Variants in ZNF800 observed in about 807,000 individuals in gnomAD.
ZNF800 encodes the protein zinc finger protein 800.
In ZNF800, 13 loss-of-function variants were observed where a neutral mutation model predicts 59.5. That is an observed-to-expected ratio of 0.22 (90% confidence interval 0.14 to 0.35). The LOEUF is 0.35. ZNF800 is among the 10% of genes least tolerant of loss of function. ZNF800 has a pLI of 1.00. For synonymous variants in ZNF800, 266 were observed against 265.7 expected (o/e 1.00, Z -0.01); for missense variants, 621 against 783.7 (o/e 0.79, Z 2.48).
chr7:127,359,461 G>A (rs1022787822), intron 1 of ZNF800, among the ~76,000 whole-genome samples: 2 of 122,928 alleles, frequency 1.6e-5, no homozygotes, highest in East Asian at 5.9e-4. Context: ...GGACCTGAAA[G>A]CAAAATATTT....
intron 1 of ZNF800, among the ~76,000 whole-genome samples, chr7:127,354,802 C>G (rs549700248): frequency 1.3e-5 from 2 of 152,182 alleles, no homozygotes; most frequent in Non-Finnish European, 2.9e-5. Flanking sequence ...TCAATTTTCT[C>G]CATTTTAAAA....
In ZNF800 at chr7:127,376,701, T is replaced by C. The variant is rs576853921; in HGVS notation, c.301+485A>G. Among the ~76,000 whole-genome samples the C allele has an allele frequency of 3.9e-5, 6 of 152,102 alleles. No individual in the cohort carries two copies. The South Asian group carries it at 1.2e-3, about 31-fold the overall frequency. ...ACTAGAAAGATTAATAAAGACTTTT[T>C]AATGCTCTCCACCATTCCCAAGAAA... On this transcript the variant is annotated intron_variant, in intron 4 of 5. Transcript: ENST00000265827.
intron 1 of ZNF800, among the ~76,000 whole-genome samples, chr7:127,356,298 T>C (rs191112451): frequency 5.9e-5 from 9 of 152,006 alleles, no homozygotes; most frequent in Middle Eastern, 6.8e-3. Flanking sequence ...AGAGAGTGTG[T>C]GTTGTTATTG....
chr7:127,374,372 T>C lies in ZNF800; in HGVS notation c.964A>G (p.Ile322Val), dbSNP rs767810628. The C allele has an allele frequency of 6.2e-7, 1 of 1,613,958 alleles. No homozygotes were observed. The highest frequency in any genetic ancestry group is 2.2e-5 in the East Asian group (1 of 44,862). ...GLRRDSITPDIATKPGQPLFL... is the reference protein window; with the variant it reads ...GLRRDSITPDVATKPGQPLFL... The stretch of plus-strand genomic sequence containing the variant: ...AAAGGTTGCCCAGGCTTTGTTGCTA[T>C]ATCAGGAGTAATTGAATCCCTCCTT... The change falls in exon 5 of 6, where the codon ATA becomes GTA. Residue 322 changes from isoleucine (I) to valine (V), a missense_variant. Physicochemically the swap from Ile to Val is conservative, Grantham distance 29. Transcript: ENST00000265827.
intron 3 of ZNF800, among the ~76,000 whole-genome samples, chr7:127,378,083 T>C (rs1800838008): frequency 6.6e-6 from 1 of 152,086 alleles, no homozygotes; most frequent in Admixed American, 6.6e-5. Flanking sequence ...AATGCCTATC[T>C]TCTCTACTAG....
At chr7:127,386,541 C>A (rs567618830) in intron 2 of ZNF800, among the ~76,000 whole-genome samples, 4 of 152,314 alleles carry the variant, frequency 2.6e-5, no homozygotes, top group African/African-American at 9.6e-5. Context: ...GGCCTAGCCA[C>A]GCTTCATAAA....
At position 127,374,718 on chromosome 7, in the gene ZNF800, T is replaced by A. The variant is rs142573888; in HGVS notation, c.618A>T (p.Thr206=). The A allele has an allele frequency of 2.1e-5, 34 of 1,613,944 alleles. No homozygotes were observed. In the African/African-American group the frequency reaches 4.3e-4, roughly 20 times the overall value. The change falls in exon 5 of 6, where the codon ACA becomes ACT. Residue 206 remains threonine (T), a synonymous_variant. Transcript: ENST00000265827. ...VEIVTDEVAP[T]SDEQPQESQA... is the part of the protein sequence containing the mutation. The stretch of plus-strand genomic sequence containing the variant: ...GCGACTCCTGAGGTTGTTCATCAGA[T>A]GTAGGTGCAACTTCATCTGTAACAA...
At chr7:127,357,338 C>A (rs1251465259) in intron 1 of ZNF800, among the ~76,000 whole-genome samples, 2 of 152,088 alleles carry the variant, frequency 1.3e-5, no homozygotes, top group African/African-American at 4.8e-5. Context: ...AAAAGTGCAG[C>A]TTTACAAAGT....
chr7:127,387,569 A>C (rs1014254584), intron 2 of ZNF800, among the ~76,000 whole-genome samples: 6 of 152,222 alleles, frequency 3.9e-5, no homozygotes, highest in African/African-American at 1.4e-4. Flanking sequence ...CCCAATTTTA[A>C]GAGACACTTG....
rs138015842 is a variant in ZNF800 at position 127,353,421 on chromosome 7, C to T, written n.225-5378G>A. The stretch of plus-strand genomic sequence containing the variant: ...TGTGTTCAGGGTTGAGGATAACACA[C>T]GTAAAAGCTGTGCTAAAGCTATGAA... On this transcript the variant is annotated intron_variant and non_coding_transcript_variant, in intron 1 of 1. Transcript: ENST00000485577. Among the ~76,000 whole-genome samples, 94 of 152,218 alleles carry T rather than the reference C, an allele frequency of 6.2e-4. 1 individual carries two copies. In the East Asian group the frequency reaches 0.015, roughly 24 times the overall value.
intron 1 of ZNF800, among the ~76,000 whole-genome samples, chr7:127,352,214 C>G (rs929751208): frequency 6.6e-6 from 1 of 152,156 alleles, no homozygotes; most frequent in Non-Finnish European, 1.5e-5. Flanking sequence ...TTTGATATTA[C>G]AAGTAACAAG....
At chr7:127,381,460 T>G (rs190090823) in intron 3 of ZNF800, among the ~76,000 whole-genome samples, 1 of 152,140 alleles carries the variant, frequency 6.6e-6, no homozygotes, top group Admixed American at 6.5e-5. Context: ...ATGTTAATTA[T>G]AGAGCACTGC....
rs1562907479 is a variant in ZNF800 at position 127,379,852 on chromosome 7, A to ACCCCCC, written c.158-2529_158-2524dup. 6.1e-3 allele frequency among the ~76,000 whole-genome samples: 99 copies of ACCCCCC among 16,158 alleles called. 7 individuals carry two copies. The highest frequency in any genetic ancestry group is 0.055 in the East Asian group (19 of 348). The allele number at this position is 16,158 out of a possible 152,430, so 10.6% of individuals were successfully genotyped here. ...ACCCTTGCCACCCCCCCACCCCCCC[A>ACCCCCC]CCCCCCCCACACACACACAGAGAGA... is the stretch of plus-strand genomic sequence containing the variant. On this transcript the variant is annotated intron_variant, in intron 3 of 5. Transcript: ENST00000265827.
chr7:127,373,940 C>G lies in ZNF800; in HGVS notation c.1396G>C (p.Ala466Pro). 6.2e-7 allele frequency: 1 copy of G among 1,614,176 alleles called. No individual in the cohort carries two copies. The highest frequency in any genetic ancestry group is 8.5e-7 in the Non-Finnish European group (1 of 1,180,032). The part of the protein sequence containing the change: ...ESPKSTSPSA[A>P]GGQQKTRKPK... The stretch of plus-strand genomic sequence containing the variant: ...TTTCTGGTTTTTTGCTGGCCACCTG[C>G]AGCCGACGGACTAGTTGATTTAGGG... Residue 466 changes from alanine (A) to proline (P), a missense_variant, in exon 5 of 6, where the codon GCA becomes CCA. Physicochemically the swap from Ala to Pro is conservative, Grantham distance 27. Coordinates refer to ENST00000265827, the MANE Select transcript of ZNF800 (RefSeq NM_176814.5).
intron 1 of ZNF800, among the ~76,000 whole-genome samples, chr7:127,352,919 A>G (rs1178425528): frequency 7.4e-5 from 11 of 148,502 alleles, no homozygotes; most frequent in African/African-American, 2.8e-4. Context: ...CACACACACA[A>G]TAACCATTTT....
At chr7:127,368,374 G>A (rs914198231), downstream of ZNF800, among the ~76,000 whole-genome samples, 6 of 152,014 alleles carry the variant, frequency 3.9e-5, no homozygotes, top group Non-Finnish European at 7.4e-5. Flanking sequence ...AAAGAGAGAC[G>A]ACAGGATAGC....
chr7:127,374,002 G>A lies in ZNF800; in HGVS notation c.1334C>T (p.Ala445Val), dbSNP rs1800708816. 1.9e-6 allele frequency: 3 copies of A among 1,613,942 alleles called. No homozygotes were observed. Among genetic ancestry groups the A allele is most frequent in the South Asian group, 1.1e-5 (1 of 91,076 alleles). ...TTGTTTAACTTTATTTTTCTGTGCT[G>A]CCGGTGTGTTCTTTTTTTCATTTGA... ...NHSNEKKNTP[A>V]AQKNKVKQDS... The change falls in exon 5 of 6, where the codon GCA becomes GTA. Residue 445 changes from alanine (A) to valine (V), a missense_variant. This residue lies in a region of ZNF800 where 185 missense variants were observed against 177.6 expected (regional missense o/e 1.04). Coordinates refer to ENST00000265827, the MANE Select transcript of ZNF800 (RefSeq NM_176814.5).
At chr7:127,360,739 A>C (rs1800377728) in intron 1 of ZNF800, 1 of 152,154 alleles carries the variant, frequency 6.6e-6, no homozygotes, top group South Asian at 2.1e-4. Context: ...AGAGTCAAAA[A>C]CATGAGAACT....
intron 1 of ZNF800, among the ~76,000 whole-genome samples, chr7:127,356,889 A>AT (rs540214893): frequency 5.3e-4 from 80 of 152,168 alleles, no homozygotes; most frequent in African/African-American, 1.8e-3. Flanking sequence ...TTTAGGAGTT[A>AT]TAACTCAGCC....
Sources: allele counts gnomAD v4.1 joint callset (sites outside exome capture counted in the v4.1 genomes callset), GRCh38; gene constraint gnomAD v4.1.1; regional missense constraint gnomAD v4.1.1; transcripts MANE v1.5; gene names NCBI Gene and HGNC (gene_info 2026-07-23, HGNC 2026-07-21).